Variants in CLMN observed in about 807,000 individuals in gnomAD.
CLMN encodes calmin.
CLMN carries 57 observed loss-of-function variants against 92.7 expected under a neutral mutation model. That is an observed-to-expected ratio of 0.61 (90% CI 0.50 to 0.77). The LOEUF (loss-of-function observed/expected upper bound fraction) is 0.77, where lower values mean the gene tolerates loss of function less well. CLMN is among the 30% of genes least tolerant of loss of function. CLMN has a pLI of 0.00. For synonymous variants in CLMN, 466 were observed against 470.6 expected (o/e 0.99, Z 0.13); for missense variants, 1,158 against 1,237.5 (o/e 0.94, Z 0.96).
intron 1 of CLMN, among the ~76,000 whole-genome samples, chr14:95,303,585 A>G (rs971887160): frequency 3.9e-5 from 6 of 152,230 alleles, no homozygotes; most frequent in Non-Finnish European, 8.8e-5. Context: ...TGCGGCTGAG[A>G]AAATAGCCAT....
Position 95,228,366 on chromosome 14 carries a change from A to G in CLMN, c.144+1706T>C, listed in dbSNP as rs188294007. Reference sequence around the variant, plus strand: ...CGAAAATGTGCCAATAATCAAAACAACTGGTTGATGATTTATAAGCTTCAT... The same window carrying G: ...CGAAAATGTGCCAATAATCAAAACAGCTGGTTGATGATTTATAAGCTTCAT... On this transcript the variant is annotated intron_variant, in intron 2 of 12. Transcript: ENST00000298912. 4.7e-3 allele frequency among the ~76,000 whole-genome samples: 721 copies of G among 152,248 alleles called. 7 individuals are homozygous for G. Among genetic ancestry groups the G allele is most frequent in the Non-Finnish European group, 5.4e-3 (369 of 68,014 alleles).
At chr14:95,247,909 A>G (rs897481169) in intron 1 of CLMN, among the ~76,000 whole-genome samples, 40 of 152,272 alleles carry the variant, frequency 2.6e-4, no homozygotes, top group African/African-American at 9.6e-4. Flanking sequence ...AGAAAAAGAG[A>G]GAGAAGGAGA....
At chr14:95,249,515 A>T (rs1182634750) in intron 1 of CLMN, among the ~76,000 whole-genome samples, 1 of 152,178 alleles carries the variant, frequency 6.6e-6, no homozygotes, top group Non-Finnish European at 1.5e-5. Context: ...GTGGACCGAG[A>T]CAGATGCTGC....
rs1252076307 is a variant in CLMN, at chr14:95,259,767, C to T, written c.83-29634G>A. On this transcript the variant is annotated intron_variant, in intron 1 of 12. Transcript: ENST00000298912. The surrounding 1 kb of genome is among the most constrained non-coding windows in gnomAD (Gnocchi z 4.3). ...AAACTCAAAACCATGGCATGCATAACCCCTCAAAGGTTCTTCTTCACTCAG... is the reference window on the plus strand; with the variant it reads ...AAACTCAAAACCATGGCATGCATAATCCCTCAAAGGTTCTTCTTCACTCAG... Among the ~76,000 whole-genome samples the T allele has an allele frequency of 6.6e-6, 1 of 152,164 alleles. No homozygotes were observed. Among genetic ancestry groups the T allele is most frequent in the East Asian group, 1.9e-4 (1 of 5,196 alleles).
At chr14:95,210,250 C>T (rs1301001168) in intron 7 of CLMN, among the ~76,000 whole-genome samples, 1 of 151,910 alleles carries the variant, frequency 6.6e-6, no homozygotes, top group East Asian at 1.9e-4. Context: ...TGGGGTTTCA[C>T]CATGTTGGCC....
In CLMN at chr14:95,186,161, T is replaced by C. The variant is rs1896434979; in HGVS notation, c.*5403A>G. 1 of 152,232 alleles carries C rather than the reference T, an allele frequency of 6.6e-6. No homozygotes were observed. The highest frequency in any genetic ancestry group is 2.1e-4 in the South Asian group (1 of 4,836). 9.4% of individuals were successfully genotyped at this position (152,232 alleles called of 1,614,324 possible). A position where few individuals can be genotyped will look rare whatever the true frequency, so the allele number is the denominator to read the frequency against. ...CCTCTTTCTAATCTTCAGTTTTTCATCTCTTAAATGAGGCACTGAACGCTT... is the reference window on the plus strand; with the variant it reads ...CCTCTTTCTAATCTTCAGTTTTTCACCTCTTAAATGAGGCACTGAACGCTT... On this transcript the variant is annotated 3_prime_UTR_variant, in exon 13 of 13. Transcript: ENST00000298912.
intron 6 of CLMN, among the ~76,000 whole-genome samples, chr14:95,211,742 C>G (rs1897204788): frequency 6.6e-6 from 1 of 152,002 alleles, no homozygotes; most frequent in Non-Finnish European, 1.5e-5. Flanking sequence ...TACAGAGAGT[C>G]TCTACTCTTT....
rs1053814214 is a variant in CLMN at position 95,188,717 on chromosome 14, T to A, written c.*2847A>T. 6.6e-6 allele frequency: 1 copy of A among 152,068 alleles called. No homozygotes were observed. The highest frequency in any genetic ancestry group is 2.4e-5 in the African/African-American group (1 of 41,402). The allele number at this position is 152,068 out of a possible 1,614,324, so 9.4% of individuals were successfully genotyped here. A position where few individuals can be genotyped will look rare whatever the true frequency, so the allele number is the denominator to read the frequency against. Reference sequence around the variant, plus strand: ...CAGAACACCAAGAATAAAGAGATCTTAAATGTTTCCAGGAAGGGTGGATAA... The same window carrying A: ...CAGAACACCAAGAATAAAGAGATCTAAAATGTTTCCAGGAAGGGTGGATAA... On this transcript the variant is annotated 3_prime_UTR_variant, in exon 13 of 13. Coordinates refer to ENST00000298912, the MANE Select transcript of CLMN (RefSeq NM_024734.4).
chr14:95,319,506 CT>C (rs1318823186), intron 1 of CLMN, among the ~76,000 whole-genome samples: 8 of 152,186 alleles, frequency 5.3e-5, no homozygotes, highest in Admixed American at 5.2e-4. Context: ...GCCCCACCCC[CT>C]GGGCAACTGT....
chr14:95,196,728 T>A, intron 9 of CLMN, 34 bp from the exon 10 acceptor site: 2 of 1,599,514 alleles, frequency 1.3e-6, no homozygotes, highest in Non-Finnish European at 1.7e-6. Context: ...CAAGTCAGTA[T>A]GTCACGCTGC....
intron 1 of CLMN, among the ~76,000 whole-genome samples, chr14:95,288,647 G>A (rs2140753887): frequency 6.6e-6 from 1 of 152,260 alleles, no homozygotes; most frequent in East Asian, 1.9e-4. Flanking sequence ...TTCAAAAACT[G>A]TTTGGCAGCA....
chr14:95,216,179 A>T (rs983677879), intron 4 of CLMN, among the ~76,000 whole-genome samples: 4 of 152,230 alleles, frequency 2.6e-5, no homozygotes, highest in Non-Finnish European at 5.9e-5. Context: ...CACGTCTCAC[A>T]TGGCGACAGG....
At chr14:95,223,157 G>A (rs923595341) in intron 3 of CLMN, among the ~76,000 whole-genome samples, 1 of 152,208 alleles carries the variant, frequency 6.6e-6, no homozygotes, top group African/African-American at 2.4e-5. Flanking sequence ...GATACTAAAT[G>A]TCCTGCAATG....
chr14:95,234,270 C>T (rs955843804), intron 1 of CLMN, among the ~76,000 whole-genome samples: 8 of 152,158 alleles, frequency 5.3e-5, no homozygotes, highest in Admixed American at 4.6e-4. Context: ...CCAGTTTCCT[C>T]CGTCCCCAGG....
At chr14:95,228,823 A>ATT (rs1897792831) in intron 2 of CLMN, among the ~76,000 whole-genome samples, 3 of 152,108 alleles carry the variant, frequency 2.0e-5, no homozygotes, top group Non-Finnish European at 4.4e-5. Context: ...TACGGGCATG[A>ATT]GCCACCACGC....
intron 1 of CLMN, among the ~76,000 whole-genome samples, chr14:95,290,282 T>TC (rs1172036252): frequency 6.6e-6 from 1 of 152,164 alleles, no homozygotes; most frequent in Non-Finnish European, 1.5e-5. Flanking sequence ...ACTTTGACGC[T>TC]CCCCCAAAGA....
intron 6 of CLMN, among the ~76,000 whole-genome samples, chr14:95,211,812 C>T (rs989676230): frequency 6.6e-6 from 1 of 152,180 alleles, no homozygotes; most frequent in Non-Finnish European, 1.5e-5. Flanking sequence ...CAAACCAGAA[C>T]ACCAATACTG....
chr14:95,265,134 C>G (rs1360329152), intron 1 of CLMN, among the ~76,000 whole-genome samples: 1 of 151,786 alleles, frequency 6.6e-6, no homozygotes, highest in Non-Finnish European at 1.5e-5. Flanking sequence ...CCCAGCTGCT[C>G]TGGGAGGGTG....
intron 4 of CLMN, among the ~76,000 whole-genome samples, chr14:95,220,403 CTGACCTCAGG>C (rs1257199845): frequency 6.6e-6 from 1 of 152,140 alleles, no homozygotes; most frequent in African/African-American, 2.4e-5. Flanking sequence ...TCTTGAACTC[CTGACCTCAGG>C]TGATCCACCC....
Sources: allele counts gnomAD v4.1 joint callset (sites outside exome capture counted in the v4.1 genomes callset), GRCh38; gene constraint gnomAD v4.1.1; non-coding constraint Gnocchi (gnomAD v3.1); transcripts MANE v1.5; gene names NCBI Gene and HGNC (gene_info 2026-07-23, HGNC 2026-07-21).